Variants in SWAP70 observed in about 807,000 individuals in gnomAD.
The protein encoded by SWAP70 is switching B cell complex subunit SWAP70.
A neutral mutation model predicts 80.2 loss-of-function variants in SWAP70; 34 were observed. That is an observed-to-expected ratio of 0.42 (90% CI 0.32 to 0.56). The LOEUF (loss-of-function observed/expected upper bound fraction) is 0.56. SWAP70 is among the 20% of genes least tolerant of loss of function. The pLI is 0.09. For missense variants in SWAP70, 578 were observed against 690.7 expected (o/e 0.84, Z 1.83); for synonymous variants, 239 against 238.5 (o/e 1.00, Z -0.02).
chr11:9,716,817 G>T (rs1370084604), intron 3 of SWAP70, among the ~76,000 whole-genome samples: 1 of 152,188 alleles, frequency 6.6e-6, no homozygotes, highest in African/African-American at 2.4e-5. Flanking sequence ...ACAAGAGTAG[G>T]TTAGATCAGG....
At chr11:9,743,714 G>A (rs7358421) in intron 9 of SWAP70, among the ~76,000 whole-genome samples, 1,953 of 151,888 alleles carry the variant, frequency 0.013, 41 homozygotes, top group African/African-American at 0.044. Context: ...AGAAGTGTCT[G>A]TTCATGTCCT....
intron 9 of SWAP70, among the ~76,000 whole-genome samples, chr11:9,742,223 C>T (rs1163399184): frequency 6.6e-6 from 1 of 152,108 alleles, no homozygotes; most frequent in Non-Finnish European, 1.5e-5. Context: ...GTACTGCACA[C>T]AAATTTAACT....
intron 1 of SWAP70, among the ~76,000 whole-genome samples, chr11:9,679,108 A>G (rs1850536550): frequency 6.6e-6 from 1 of 152,210 alleles, no homozygotes; most frequent in Non-Finnish European, 1.5e-5. Flanking sequence ...CTTGAATTTC[A>G]TATAAGGAGA....
intron 2 of SWAP70, chr11:9,703,491 A>G (rs1261062458): frequency 2.2e-6 from 1 of 456,118 alleles, no homozygotes; most frequent in Non-Finnish European, 4.4e-6. Flanking sequence ...ATTTTTGTTG[A>G]TCCTTTAGCT....
chr11:9,709,162 C>T (rs190249062), intron 2 of SWAP70, among the ~76,000 whole-genome samples: 149 of 151,926 alleles, frequency 9.8e-4, no homozygotes, highest in African/African-American at 3.2e-3. Flanking sequence ...CTCACTTTGT[C>T]GCCCAGGCTG....
chr11:9,734,864 A>G (rs561157273), intron 7 of SWAP70, among the ~76,000 whole-genome samples: 6 of 152,236 alleles, frequency 3.9e-5, no homozygotes, highest in South Asian at 4.2e-4. Flanking sequence ...GGTTCAAGCA[A>G]TCCACCCACT....
At chr11:9,727,744 C>G (rs545985401) in intron 4 of SWAP70, among the ~76,000 whole-genome samples, 1 of 152,288 alleles carries the variant, frequency 6.6e-6, no homozygotes, top group Non-Finnish European at 1.5e-5. Context: ...ATAGGTATCT[C>G]TAAAAGATAA....
chr11:9,718,734 C>T (rs1388948067), intron 3 of SWAP70, among the ~76,000 whole-genome samples: 1 of 152,130 alleles, frequency 6.6e-6, no homozygotes, highest in African/African-American at 2.4e-5. Flanking sequence ...CAATAATCCA[C>T]TTACCGTAAT....
At chr11:9,733,739 G>A (rs909923921) in intron 7 of SWAP70, among the ~76,000 whole-genome samples, 3 of 152,154 alleles carry the variant, frequency 2.0e-5, no homozygotes, top group Admixed American at 6.5e-5. Flanking sequence ...AGCACCTGCC[G>A]TATGTGATTG....
rs921757298 is a variant in SWAP70, at chr11:9,730,320, C to G, written c.898+869C>G. The stretch of plus-strand genomic sequence containing the variant: ...CCTGGCTAACACGGTGAAACCCCGT[C>G]TCTACTTAAAAAAAAAAAAAAAAAA... On this transcript the variant is annotated intron_variant, in intron 6 of 11. Coordinates refer to ENST00000318950, the MANE Select transcript of SWAP70 (RefSeq NM_015055.4). Among the ~76,000 whole-genome samples the G allele has an allele frequency of 8.8e-4, 112 of 126,960 alleles. 1 individual carries two copies. Among genetic ancestry groups the G allele is most frequent in the South Asian group, 1.0e-3 (4 of 3,898 alleles). The allele number at this position is 126,960 out of a possible 152,430, so 83.3% of individuals were successfully genotyped here.
At chr11:9,671,578 A>G (rs1342351317) in intron 1 of SWAP70, among the ~76,000 whole-genome samples, 2 of 58,636 alleles carry the variant, frequency 3.4e-5, no homozygotes, top group Non-Finnish European at 6.4e-5. Flanking sequence ...TTATATAGAA[A>G]TATATTTCTA....
intron 10 of SWAP70, among the ~76,000 whole-genome samples, chr11:9,748,466 G>A (rs1246377752): frequency 6.6e-6 from 1 of 152,186 alleles, no homozygotes; most frequent in Non-Finnish European, 1.5e-5. Flanking sequence ...ATACCTCCAT[G>A]GAGAGGGTGC....
intron 1 of SWAP70, among the ~76,000 whole-genome samples, chr11:9,685,196 C>G (rs1213437098): frequency 6.6e-6 from 1 of 151,944 alleles, no homozygotes; most frequent in Non-Finnish European, 1.5e-5. Context: ...CTGCCACAAC[C>G]TCCATAGGGT....
intron 1 of SWAP70, among the ~76,000 whole-genome samples, chr11:9,676,237 C>G (rs537936684): frequency 6.6e-6 from 1 of 152,308 alleles, no homozygotes; most frequent in South Asian, 2.1e-4. Context: ...AGACTGAAAA[C>G]TGTATTGAGA....
intron 1 of SWAP70, among the ~76,000 whole-genome samples, chr11:9,675,852 A>G (rs1004491742): frequency 6.6e-6 from 1 of 152,122 alleles, no homozygotes; most frequent in Non-Finnish European, 1.5e-5. Flanking sequence ...GAGAGTACGT[A>G]GGCCTTTATC....
chr11:9,666,155 G>A lies in SWAP70; in HGVS notation c.99+1877G>A, dbSNP rs1443751230. Among the ~76,000 whole-genome samples the A allele has an allele frequency of 6.1e-5, 9 of 148,436 alleles. No homozygotes were observed. In the South Asian group the frequency reaches 8.5e-4, roughly 14 times the overall value. On this transcript the variant is annotated intron_variant, in intron 1 of 11. Coordinates refer to ENST00000318950, the MANE Select transcript of SWAP70 (RefSeq NM_015055.4). ...GGCTGGAGTGCGGTGGTGTGATCTC[G>A]GCTCACTGCAACGTCTGTCTCCTAG...
intron 3 of SWAP70, among the ~76,000 whole-genome samples, chr11:9,722,333 C>T (rs1235717745): frequency 6.6e-6 from 1 of 152,160 alleles, no homozygotes; most frequent in Non-Finnish European, 1.5e-5. Context: ...ATGGTTCCTC[C>T]TACAAGGAAT....
intron 1 of SWAP70, among the ~76,000 whole-genome samples, chr11:9,687,456 G>A (rs757559297): frequency 6.6e-6 from 1 of 152,088 alleles, no homozygotes; most frequent in Non-Finnish European, 1.5e-5. Context: ...TTTGAATATT[G>A]GAGCTATTTG....
At position 9,664,240 on chromosome 11, in the gene SWAP70, C is replaced by G; in HGVS notation, c.61C>G (p.Gln21Glu). 1.3e-6 allele frequency: 2 copies of G among 1,594,356 alleles called. No homozygotes were observed. The highest frequency in any genetic ancestry group is 1.7e-6 in the Non-Finnish European group (2 of 1,171,114). Reference sequence around the variant, plus strand: ...CTGGCACGCCTTCACCGCACTCGACCAGGACCACAGCGGCAAGGTCTCCAA... The same window carrying G: ...CTGGCACGCCTTCACCGCACTCGACGAGGACCACAGCGGCAAGGTCTCCAA... Reference protein sequence around the residue: ...AIWHAFTALDQDHSGKVSKSQ... With the variant: ...AIWHAFTALDEDHSGKVSKSQ... The change falls in exon 1 of 12, where the codon CAG becomes GAG. Residue 21 changes from glutamine (Q) to glutamate (E), a missense_variant. Transcript: ENST00000318950.
Sources: allele counts gnomAD v4.1 joint callset (sites outside exome capture counted in the v4.1 genomes callset), GRCh38; gene constraint gnomAD v4.1.1; transcripts MANE v1.5; gene names NCBI Gene and HGNC (gene_info 2026-07-23, HGNC 2026-07-21).